ODR4: variants seen among roughly 807,000 people sequenced by gnomAD.
ODR4 encodes the protein odr-4 GPCR localization factor homolog.
ODR4 carries 47 observed loss-of-function variants against 60.2 expected under a neutral mutation model. The ratio of observed to expected loss-of-function variants is 0.78; its 90% confidence interval spans 0.62 to 1.00. ODR4 has a LOEUF of 1.00. ODR4 is among the 50% of genes least tolerant of loss of function. The pLI is 0.00. For missense variants in ODR4, 488 were observed against 530.8 expected, an observed-to-expected ratio of 0.92 and a Z score of 0.79; for synonymous variants, 178 against 175.5, an observed-to-expected ratio of 1.01 and a Z score of -0.11.
At chr1:186,387,491 A>C (rs1660297177) in intron 4 of ODR4, among the ~76,000 whole-genome samples, 1 of 152,168 alleles carries the variant, frequency 6.6e-6, no homozygotes, top group South Asian at 2.1e-4. Context: ...TTTTGTTCCT[A>C]AAAAGTATAT....
downstream of ODR4, among the ~76,000 whole-genome samples, chr1:186,425,023 C>T (rs1238372189): frequency 6.6e-6 from 1 of 150,704 alleles, no homozygotes; most frequent in East Asian, 1.9e-4. Context: ...CATACACGAG[C>T]AAGAAAGAAA....
intron 3 of ODR4, among the ~76,000 whole-genome samples, chr1:186,385,351 C>T (rs552048507): frequency 1.3e-5 from 2 of 149,090 alleles, no homozygotes; most frequent in East Asian, 3.9e-4. Context: ...TACTTATTCC[C>T]TTAAGGAGCT....
downstream of ODR4, among the ~76,000 whole-genome samples, chr1:186,423,421 G>T (rs1263575454): frequency 2.9e-5 from 4 of 139,848 alleles, no homozygotes; most frequent in Non-Finnish European, 4.6e-5. Context: ...CACAAGGGTG[G>T]CTATTATCAC....
intron 11 of ODR4, chr1:186,400,952 GT>G: frequency 7.7e-7 from 1 of 1,295,252 alleles, no homozygotes. Flanking sequence ...TTGACTTTGA[GT>G]TTGTGGTAAC....
At chr1:186,411,200 A>T (rs1169194591) in intron 12 of ODR4, among the ~76,000 whole-genome samples, 1 of 152,130 alleles carries the variant, frequency 6.6e-6, no homozygotes. Context: ...TGGGTTAGGA[A>T]TGCTAAGCTG....
At chr1:186,386,123 A>T (rs565782442) in intron 4 of ODR4, 40 bp downstream of exon 4, 1 of 1,198,816 alleles carries the variant, frequency 8.3e-7, no homozygotes, top group Non-Finnish European at 1.2e-6. Flanking sequence ...GAAATCAGTT[A>T]TATGTTATTT....
chr1:186,424,098 G>A (rs1232945605), downstream of ODR4, among the ~76,000 whole-genome samples: 2 of 152,100 alleles, frequency 1.3e-5, no homozygotes, highest in African/African-American at 2.4e-5. Flanking sequence ...TTGGATATGT[G>A]TACCTCAAGA....
intron 11 of ODR4, chr1:186,401,081 C>T (rs759328152): frequency 5.6e-6 from 9 of 1,597,062 alleles, no homozygotes; most frequent in Non-Finnish European, 7.7e-6. Flanking sequence ...TAAAGATTTA[C>T]CTTAGCAGAC....
chr1:186,391,535 G>T (rs1414660931), intron 7 of ODR4, among the ~76,000 whole-genome samples, 161 bp from the exon 8 acceptor site: 2 of 151,654 alleles, frequency 1.3e-5, no homozygotes, highest in Non-Finnish European at 2.9e-5. Context: ...AAGAATGGGG[G>T]TATACTTTTT....
chr1:186,432,477 T>C, the ODR4 span, among the ~76,000 whole-genome samples: 1 of 152,190 alleles, frequency 6.6e-6, no homozygotes, highest in Non-Finnish European at 1.5e-5. Context: ...TTGATAGAAT[T>C]AACTTATAAA....
chr1:186,385,258 A>T (rs1660209982), intron 3 of ODR4, among the ~76,000 whole-genome samples: 1 of 150,130 alleles, frequency 6.7e-6, no homozygotes, highest in Admixed American at 6.7e-5. Context: ...TGCAATAGAA[A>T]ATAATGGATT....
In ODR4 at chr1:186,383,041, A is replaced by G; in HGVS notation, c.119A>G (p.Tyr40Cys). 1 of 1,584,792 alleles carries G rather than the reference A, an allele frequency of 6.3e-7. No individual in the cohort carries two copies. Among genetic ancestry groups the G allele is most frequent in the Non-Finnish European group, 8.6e-7 (1 of 1,164,456 alleles). ...LIGQCSSQKD[Y>C]VILATRTPPK... is the part of the protein sequence containing the mutation. Reference sequence around the variant, plus strand: ...TTGAAGTGTTCGTCACAAAAGGATTATGTGATTCTTGCCACTAGAACGCCA... The same window carrying G: ...TTGAAGTGTTCGTCACAAAAGGATTGTGTGATTCTTGCCACTAGAACGCCA... Residue 40 changes from tyrosine to cysteine, a missense_variant, in exon 3 of 14, where the codon TAT (tyrosine) becomes TGT (cysteine). Physicochemically the swap from Tyr to Cys is radical, Grantham distance 194. Transcript: ENST00000287859.
In ODR4 at chr1:186,380,165, C is replaced by A. The variant is rs183576733; in HGVS notation, c.99+281C>A. On this transcript the variant is annotated intron_variant, in intron 2 of 13. Coordinates refer to ENST00000287859, the MANE Select transcript of ODR4 (RefSeq NM_017847.6). ...CTTCAGAATTAGAATGTTTATTGAC[C>A]AGATTTTTCACATTTTGTTGTCTTT... 1.9e-3 allele frequency among the ~76,000 whole-genome samples: 285 copies of A among 152,234 alleles called. 1 individual carries two copies. Among genetic ancestry groups the A allele is most frequent in the African/African-American group, 6.5e-3 (269 of 41,536 alleles).
intron 8 of ODR4, among the ~76,000 whole-genome samples, chr1:186,392,362 A>G (rs937520834): frequency 6.6e-6 from 1 of 152,246 alleles, no homozygotes; most frequent in African/African-American, 2.4e-5. Context: ...ACTATTCACA[A>G]TAGCAAAGAC....
chr1:186,427,425 C>T, the ODR4 span, among the ~76,000 whole-genome samples: 1 of 152,190 alleles, frequency 6.6e-6, no homozygotes, highest in Non-Finnish European at 1.5e-5. Context: ...GAAACAACTC[C>T]TCATTCATTC....
At chr1:186,389,728 T>A (rs1660388948) in intron 6 of ODR4, 104 bp downstream of exon 6, 1 of 736,682 alleles carries the variant, frequency 1.4e-6, no homozygotes, top group South Asian at 1.9e-5. Context: ...TCACTTCCTA[T>A]TGATGCCTAC....
At chr1:186,403,288 A>G (rs989221641) in intron 11 of ODR4, among the ~76,000 whole-genome samples, 3 of 152,072 alleles carry the variant, frequency 2.0e-5, no homozygotes, top group African/African-American at 4.8e-5. Context: ...AGGTATATAT[A>G]TATATTTATG....
At chr1:186,427,587 T>A in the ODR4 span, among the ~76,000 whole-genome samples, 1 of 152,248 alleles carries the variant, frequency 6.6e-6, no homozygotes, top group Non-Finnish European at 1.5e-5. Context: ...AATAAAATTC[T>A]TCCAAACTCC....
chr1:186,431,733 G>T, the ODR4 span, among the ~76,000 whole-genome samples: 2 of 152,140 alleles, frequency 1.3e-5, no homozygotes, highest in African/African-American at 4.8e-5. Context: ...AAGAGAAAGT[G>T]TACCCTCTTT....
Sources: gnomAD v4.1 joint callset for allele counts (sites outside exome capture counted in the v4.1 genomes callset) on GRCh38, gnomAD v4.1.1 for gene constraint, MANE v1.5 for transcripts, NCBI Gene and HGNC (gene_info 2026-07-23, HGNC 2026-07-21) for gene names.